ATP8A1: variants seen among roughly 807,000 people sequenced by gnomAD.
ATP8A1 encodes phospholipid-transporting ATPase IA.
In ATP8A1, 90 loss-of-function variants were observed where a neutral mutation model predicts 177.7. The ratio of observed to expected loss-of-function variants is 0.51; its 90% confidence interval spans 0.43 to 0.60. The LOEUF (loss-of-function observed/expected upper bound fraction) is 0.60. Ranked by LOEUF, ATP8A1 falls within the 20% of genes least tolerant of loss-of-function variation. The pLI is 0.00. For missense variants in ATP8A1, 1,072 were observed against 1,392.8 expected, an observed-to-expected ratio of 0.77 and a Z score of 3.67; for synonymous variants, 493 against 485.9, an observed-to-expected ratio of 1.01 and a Z score of -0.19.
At chr4:42,583,515 T>A (rs1010160949) in intron 9 of ATP8A1, among the ~76,000 whole-genome samples, 1 of 152,180 alleles carries the variant, frequency 6.6e-6, no homozygotes, top group South Asian at 2.1e-4. Context: ...ACCTCAGCAG[T>A]GGTGGTGTGG....
In ATP8A1 at chr4:42,480,590, T is replaced by C. The variant is rs972434047; in HGVS notation, c.2324+4906A>G. On this transcript the variant is annotated intron_variant, in intron 25 of 36. Coordinates refer to ENST00000381668, the MANE Select transcript of ATP8A1 (RefSeq NM_006095.2). ...CTACTTTTTAAGTAGAACATATATT[T>C]AGAGAAATTCTTAAAGCTAAAGACA... Among the ~76,000 whole-genome samples the C allele has an allele frequency of 2.0e-5, 3 of 152,204 alleles. No individual in the cohort carries two copies. In the East Asian group the frequency reaches 5.8e-4, roughly 29 times the overall value.
intron 12 of ATP8A1, 26 bp downstream of exon 12, chr4:42,578,234 T>C (rs768731562): frequency 9.0e-6 from 14 of 1,562,224 alleles, no homozygotes; most frequent in Non-Finnish European, 1.2e-5. Context: ...TTTTGTAGGG[T>C]GATAACAATC....
chr4:42,552,302 A>G (rs561972382), intron 17 of ATP8A1, among the ~76,000 whole-genome samples: 3 of 152,388 alleles, frequency 2.0e-5, no homozygotes, highest in Non-Finnish European at 2.9e-5. Flanking sequence ...CTTATGTAAT[A>G]TGCCAAAAAT....
chr4:42,501,964 G>A (rs1047462072), intron 24 of ATP8A1, among the ~76,000 whole-genome samples: 3 of 151,948 alleles, frequency 2.0e-5, no homozygotes, highest in East Asian at 1.9e-4. Flanking sequence ...ACTGCTACTC[G>A]AACTGCTAAG....
At chr4:42,620,497 T>C (rs979331580) in intron 4 of ATP8A1, among the ~76,000 whole-genome samples, 1 of 152,160 alleles carries the variant, frequency 6.6e-6, no homozygotes, top group Non-Finnish European at 1.5e-5. Context: ...CTTTCAAAGA[T>C]GGAGTACTAG....
At chr4:42,627,176 A>C in intron 1 of ATP8A1, 67 bp from the exon 2 acceptor site, 1 of 1,154,936 alleles carries the variant, frequency 8.7e-7, no homozygotes, top group Non-Finnish European at 1.3e-6. Context: ...AGATTTCATA[A>C]CTAGTCTAGA....
chr4:42,561,211 GGCCGCGCACTGGGACA>G (rs1245306874), intron 15 of ATP8A1, among the ~76,000 whole-genome samples: 1 of 152,092 alleles, frequency 6.6e-6, no homozygotes, highest in Non-Finnish European at 1.5e-5. Flanking sequence ...TGCTCAGGTG[GGCCGCGCACTGGGACA>G]GGTGCGCACT....
At chr4:42,518,026 G>A (rs970528655) in intron 22 of ATP8A1, among the ~76,000 whole-genome samples, 1 of 152,080 alleles carries the variant, frequency 6.6e-6, no homozygotes, top group Admixed American at 6.5e-5. Context: ...AAGGATAAAT[G>A]CCTTGTTGTA....
rs1414321107 is a variant in ATP8A1, at chr4:42,612,719, C to T, written c.409+3314G>A. Among the ~76,000 whole-genome samples the T allele has an allele frequency of 2.0e-5, 3 of 151,914 alleles. 1 individual carries two copies. Among genetic ancestry groups the T allele is most frequent in the Admixed American group, 1.3e-4 (2 of 15,262 alleles). ...TGAGTTAGGTCTCAGCTCCATAATT[C>T]GATCCCTGATTGAGTTAACTTATCA... On this transcript the variant is annotated intron_variant, in intron 5 of 36. Coordinates refer to ENST00000381668, the MANE Select transcript of ATP8A1 (RefSeq NM_006095.2).
intron 24 of ATP8A1, among the ~76,000 whole-genome samples, chr4:42,499,302 AT>A (rs2153192471): frequency 6.6e-6 from 1 of 152,270 alleles, no homozygotes; most frequent in African/African-American, 2.4e-5. Flanking sequence ...TATAGTGTAT[AT>A]TTTCCCTTTC....
chr4:42,628,167 G>C (rs1738315888), intron 1 of ATP8A1, among the ~76,000 whole-genome samples: 2 of 152,282 alleles, frequency 1.3e-5, no homozygotes, highest in South Asian at 2.1e-4. Flanking sequence ...AATGAAAAAT[G>C]AGTGGTTGAC....
At chr4:42,587,015 T>A (rs1382579642) in intron 8 of ATP8A1, among the ~76,000 whole-genome samples, 1 of 152,102 alleles carries the variant, frequency 6.6e-6, no homozygotes, top group Non-Finnish European at 1.5e-5. Context: ...TTCCAACACA[T>A]CCCAACCCTC....
chr4:42,526,756 C>G (rs954569562), intron 20 of ATP8A1, among the ~76,000 whole-genome samples: 8 of 151,968 alleles, frequency 5.3e-5, no homozygotes, highest in South Asian at 2.1e-4. Flanking sequence ...TCTAGAGAAC[C>G]CTGACTAATA....
At chr4:42,652,297 G>A (rs1393553097) in intron 1 of ATP8A1, among the ~76,000 whole-genome samples, 2 of 152,018 alleles carry the variant, frequency 1.3e-5, no homozygotes, top group East Asian at 1.9e-4. Context: ...ATCTTGGGAG[G>A]CTCATTAAGA....
chr4:42,648,985 C>T (rs2109576765), intron 1 of ATP8A1, among the ~76,000 whole-genome samples: 1 of 152,266 alleles, frequency 6.6e-6, no homozygotes, highest in African/African-American at 2.4e-5. Flanking sequence ...ATCTTTCTAG[C>T]AATTTTCAAA....
intron 10 of ATP8A1, 131 bp from the exon 11 acceptor site, chr4:42,580,109 T>C (rs1732882205): frequency 1.4e-6 from 1 of 699,010 alleles, no homozygotes; most frequent in African/African-American, 1.9e-5. Flanking sequence ...GAAAATTATG[T>C]GAAACCCATG....
intron 35 of ATP8A1, among the ~76,000 whole-genome samples, chr4:42,417,607 G>A (rs1560301358): frequency 6.6e-6 from 1 of 152,180 alleles, no homozygotes; most frequent in African/African-American, 2.4e-5. Flanking sequence ...AAATGTCAGT[G>A]TTGGTAAAAA....
chr4:42,448,083 T>C (rs892982195), intron 30 of ATP8A1, among the ~76,000 whole-genome samples: 3 of 152,210 alleles, frequency 2.0e-5, no homozygotes, highest in Non-Finnish European at 4.4e-5. Context: ...AAATTATGTA[T>C]TGATTATCAT....
rs545100011 is a variant in ATP8A1 at position 42,469,686 on chromosome 4, C to G, written c.2325-4610G>C. Among the ~76,000 whole-genome samples the G allele has an allele frequency of 4.6e-5, 7 of 152,232 alleles. No homozygotes were observed. The South Asian group carries it at 1.4e-3, about 32-fold the overall frequency. On this transcript the variant is annotated intron_variant, in intron 25 of 36. Transcript: ENST00000381668. ...TTTGAAAGGAGAGGAGAGTTCACTT[C>G]AGGTAACAGAAATAGCACATAATAA...
Sources: gnomAD v4.1 joint callset for allele counts (sites outside exome capture counted in the v4.1 genomes callset) on GRCh38, gnomAD v4.1.1 for gene constraint, MANE v1.5 for transcripts, NCBI Gene and HGNC (gene_info 2026-07-23, HGNC 2026-07-21) for gene names.